The following PALM2AKAP2 variants were observed in gnomAD, a reference collection of about 807,000 sequenced individuals.
The protein encoded by PALM2AKAP2 is PALM2 and AKAP2 fusion.
Under a neutral mutation model 71.5 loss-of-function variants are expected in PALM2AKAP2, and 37 were observed. The ratio of observed to expected loss-of-function variants is 0.52; its 90% CI spans 0.40 to 0.68. The LOEUF is 0.68. PALM2AKAP2 is among the 30% of genes least tolerant of loss of function. The pLI, the probability that PALM2AKAP2 is intolerant of heterozygous loss-of-function variation, is 0.00. For missense variants in PALM2AKAP2, 1,224 were observed against 1,191.8 expected (o/e 1.03, Z -0.40); for synonymous variants, 468 against 478.8 (o/e 0.98, Z 0.29).
chr9:110,035,402 GT>G (rs1272727404), intron 7 of PALM2AKAP2, among the ~76,000 whole-genome samples: 5 of 70,118 alleles, frequency 7.1e-5, no homozygotes, highest in Non-Finnish European at 1.0e-4. Flanking sequence ...ATACATATAC[GT>G]ATATAATATG....
intron 6 of PALM2AKAP2, among the ~76,000 whole-genome samples, chr9:109,938,642 A>G (rs1010932972): frequency 1.3e-5 from 2 of 152,228 alleles, no homozygotes; most frequent in Non-Finnish European, 2.9e-5. Context: ...TCCCAGAGCC[A>G]TATCACATTT....
rs71373967 is a variant in PALM2AKAP2, at chr9:110,096,426, A to AATTTATTT, written c.157-39685_157-39678dup. 1.1e-4 allele frequency among the ~76,000 whole-genome samples: 17 copies of AATTTATTT among 149,500 alleles called. No homozygotes were observed. The Middle Eastern group carries it at 0.01, about 91-fold the overall frequency. On this transcript the variant is annotated intron_variant, in intron 1 of 3. Transcript: ENST00000374525. Reference sequence around the variant, plus strand: ...CTACAGGAATGCACCATTATGCCTGAATTTATTTATTTATTTATTTATTAA... The same window carrying AATTTATTT: ...CTACAGGAATGCACCATTATGCCTGAATTTATTTATTTATTTATTTATTTATTTATTAA...
intron 1 of PALM2AKAP2, among the ~76,000 whole-genome samples, chr9:110,088,615 C>A (rs1272541562): frequency 4.6e-5 from 7 of 151,396 alleles, no homozygotes; most frequent in Admixed American, 4.6e-4. Context: ...TGCCTCTAGA[C>A]CCTATTCTCC....
rs1342007787 is a variant in PALM2AKAP2 at position 109,808,819 on chromosome 9, C to A, written c.45+28286C>A. Among the ~76,000 whole-genome samples, 7 of 152,126 alleles carry A rather than the reference C, an allele frequency of 4.6e-5. 1 individual carries two copies. In the South Asian group the frequency reaches 1.2e-3, roughly 27 times the overall value. On this transcript the variant is annotated intron_variant, in intron 1 of 9. Transcript: ENST00000302798. ...TTTTTGGGCTGGGCCCAGGGCCTTG[C>A]TGCTTTGTGCAGTCTTGAGACTTGG...
intron 6 of PALM2AKAP2, among the ~76,000 whole-genome samples, chr9:109,936,738 T>G (rs1831227406): frequency 6.6e-6 from 1 of 152,212 alleles, no homozygotes; most frequent in Non-Finnish European, 1.5e-5. Context: ...TAACTTTCAT[T>G]GTACAAATGA....
intron 1 of PALM2AKAP2, among the ~76,000 whole-genome samples, chr9:109,752,825 A>G (rs574087159): frequency 6.6e-6 from 1 of 152,282 alleles, no homozygotes; most frequent in East Asian, 1.9e-4. Context: ...GAGGCAAGAG[A>G]CCAGTAGCCG....
intron 1 of PALM2AKAP2, among the ~76,000 whole-genome samples, chr9:109,750,433 A>T (rs535703011): frequency 6.6e-6 from 1 of 152,338 alleles, no homozygotes; most frequent in Non-Finnish European, 1.5e-5. Flanking sequence ...TAAAGGAAAA[A>T]GAGGAAAAAA....
upstream of PALM2AKAP2, among the ~76,000 whole-genome samples, chr9:110,047,549 C>T (rs1833623378): frequency 6.6e-6 from 1 of 152,138 alleles, no homozygotes; most frequent in Non-Finnish European, 1.5e-5. Context: ...AGGGCCTTGT[C>T]AAGGAGTGGG....
intron 1 of PALM2AKAP2, chr9:109,867,254 A>G: frequency 2.2e-6 from 1 of 458,248 alleles, no homozygotes; most frequent in Non-Finnish European, 4.1e-6. Context: ...AAATTCTTGC[A>G]GCCTGGCTGA....
chr9:109,822,315 C>T (rs1330432097), intron 1 of PALM2AKAP2, among the ~76,000 whole-genome samples: 1 of 152,172 alleles, frequency 6.6e-6, no homozygotes, highest in Non-Finnish European at 1.5e-5. Flanking sequence ...ATCTATCCAT[C>T]CATCTCTCTT....
rs546668730 is a variant in PALM2AKAP2, at chr9:109,800,262, T to C, written c.45+19729T>C. Among the ~76,000 whole-genome samples the C allele has an allele frequency of 1.5e-3, 229 of 152,364 alleles. 1 individual carries two copies. The highest frequency in any genetic ancestry group is 5.0e-3 in the African/African-American group (207 of 41,584). On this transcript the variant is annotated intron_variant, in intron 1 of 9. Coordinates refer to the PALM2AKAP2 transcript ENST00000302798. The stretch of plus-strand genomic sequence containing the variant: ...AATTTTAGGGCCAAAGAACTAATAT[T>C]GTAAGAGCTTCTGTGATTAGGTACT...
rs372491418 is a variant in PALM2AKAP2 at position 110,030,083 on chromosome 9, G to C, written c.582+14044G>C. On this transcript the variant is annotated intron_variant, in intron 7 of 9. Coordinates refer to the PALM2AKAP2 transcript ENST00000302798. Reference sequence around the variant, plus strand: ...ATCAATTGACACTAGACAGATTAACGGGAGAAATGGCATAGAAGTTTACTA... The same window carrying C: ...ATCAATTGACACTAGACAGATTAACCGGAGAAATGGCATAGAAGTTTACTA... 3.9e-5 allele frequency among the ~76,000 whole-genome samples: 6 copies of C among 152,290 alleles called. No individual in the cohort carries two copies. The South Asian group carries it at 1.2e-3, about 32-fold the overall frequency.
intron 6 of PALM2AKAP2, among the ~76,000 whole-genome samples, chr9:110,001,489 C>T (rs2132278236): frequency 6.6e-6 from 1 of 152,322 alleles, no homozygotes; most frequent in Admixed American, 6.5e-5. Context: ...ATTGACTTGG[C>T]AATGCAGGCT....
intron 1 of PALM2AKAP2, among the ~76,000 whole-genome samples, chr9:109,759,940 A>G (rs1286471340): frequency 6.6e-6 from 1 of 152,146 alleles, no homozygotes; most frequent in Non-Finnish European, 1.5e-5. Flanking sequence ...CTCTTTTCAA[A>G]TGTACAGTTC....
chr9:109,836,309 GCTGAGGGTC>G (rs898494994), intron 1 of PALM2AKAP2, among the ~76,000 whole-genome samples: 2 of 152,256 alleles, frequency 1.3e-5, no homozygotes, highest in Non-Finnish European at 2.9e-5. Context: ...CAGACCTGCA[GCTGAGGGTC>G]CTGACTGTTA....
At chr9:110,037,365 C>T (rs1447059014) in intron 7 of PALM2AKAP2, among the ~76,000 whole-genome samples, 1 of 152,152 alleles carries the variant, frequency 6.6e-6, no homozygotes, top group Non-Finnish European at 1.5e-5. Flanking sequence ...CGCCACCACG[C>T]CCAGCTAATT....
At chr9:109,821,333 AAACAAC>A (rs529697209) in intron 1 of PALM2AKAP2, among the ~76,000 whole-genome samples, 13 of 152,108 alleles carry the variant, frequency 8.5e-5, no homozygotes, top group African/African-American at 1.7e-4. Flanking sequence ...AATTATAATG[AAACAAC>A]AACAACAACA....
intron 7 of PALM2AKAP2, among the ~76,000 whole-genome samples, chr9:110,037,222 C>A (rs1833428652): frequency 6.6e-6 from 1 of 151,120 alleles, no homozygotes; most frequent in African/African-American, 2.4e-5. Context: ...TTTTTTGAAA[C>A]AGAGTTTCAC....
chr9:109,672,492 G>T (rs1378170883), intron 1 of PALM2AKAP2, among the ~76,000 whole-genome samples: 1 of 152,142 alleles, frequency 6.6e-6, no homozygotes, highest in Non-Finnish European at 1.5e-5. Flanking sequence ...TGTGCTGCTG[G>T]ATTTGGATTG....
Sources: allele counts gnomAD v4.1 joint callset (sites outside exome capture counted in the v4.1 genomes callset), GRCh38; gene constraint gnomAD v4.1.1; transcripts MANE v1.5; gene names NCBI Gene and HGNC (gene_info 2026-07-23, HGNC 2026-07-21).